WDR70: variants seen among roughly 807,000 people sequenced by gnomAD.
WDR70 encodes the protein WD repeat domain 70.
WDR70 carries 53 observed loss-of-function variants against 88.6 expected under a neutral mutation model. The observed-to-expected ratio is 0.60, with a 90% CI of 0.48 to 0.75. WDR70 has a LOEUF of 0.75. Among genes scored for constraint, WDR70 ranks in the 30% least tolerant of loss-of-function variants. The pLI is 0.00. For synonymous variants in WDR70, 280 were observed against 270.0 expected (o/e 1.04, Z -0.36); for missense variants, 610 against 823.2 (o/e 0.74, Z 3.17).
chr5:37,424,598 C>T (rs575505493), intron 5 of WDR70, among the ~76,000 whole-genome samples: 37 of 151,862 alleles, frequency 2.4e-4, no homozygotes, highest in Admixed American at 2.0e-3. Flanking sequence ...TTTGTAGAGA[C>T]GGAGTCTTGC....
At chr5:37,646,163 T>G (rs1350125834) in intron 10 of WDR70, among the ~76,000 whole-genome samples, 2 of 152,086 alleles carry the variant, frequency 1.3e-5, no homozygotes, top group East Asian at 3.8e-4. Flanking sequence ...CCATGAGGCT[T>G]GCAAATACTG....
intron 9 of WDR70, among the ~76,000 whole-genome samples, chr5:37,585,147 C>T (rs1166204995): frequency 1.3e-5 from 2 of 151,638 alleles, no homozygotes; most frequent in Admixed American, 1.3e-4. Flanking sequence ...CACACCACCA[C>T]GCCTGGCTAA....
chr5:37,734,264 A>T (rs1256587575), intron 17 of WDR70, among the ~76,000 whole-genome samples: 1 of 152,116 alleles, frequency 6.6e-6, no homozygotes, highest in Non-Finnish European at 1.5e-5. Flanking sequence ...CTATTACGTT[A>T]AACCTTACAA....
intron 9 of WDR70, among the ~76,000 whole-genome samples, chr5:37,542,415 G>T (rs907488915): frequency 1.3e-5 from 2 of 151,858 alleles, no homozygotes; most frequent in Non-Finnish European, 2.9e-5. Flanking sequence ...GAGTAGCTGG[G>T]ATTACAGGCA....
chr5:37,653,458 TG>T (rs1200553135), intron 10 of WDR70, among the ~76,000 whole-genome samples: 5 of 152,234 alleles, frequency 3.3e-5, no homozygotes, highest in Non-Finnish European at 7.3e-5. Context: ...CCTCATAAAA[TG>T]AGTTAGGGAG....
intron 7 of WDR70, among the ~76,000 whole-genome samples, chr5:37,470,968 A>T (rs914823551): frequency 6.6e-6 from 1 of 151,554 alleles, no homozygotes; most frequent in African/African-American, 2.4e-5. Context: ...GCTCACTTCA[A>T]CCTCTGTCTC....
intron 5 of WDR70, among the ~76,000 whole-genome samples, chr5:37,427,205 C>T (rs188578606): frequency 0.016 from 2,391 of 151,888 alleles, 56 homozygotes; most frequent in African/African-American, 0.055. Context: ...TTGGCTAACA[C>T]GGTGAAACCC....
intron 9 of WDR70, among the ~76,000 whole-genome samples, chr5:37,546,464 A>T (rs772286169): frequency 5.3e-5 from 8 of 152,242 alleles, no homozygotes; most frequent in South Asian, 4.1e-4. Flanking sequence ...TTTTGGCTAC[A>T]TGAACATAAA....
chr5:37,530,704 A>G (rs1463486238), intron 9 of WDR70, among the ~76,000 whole-genome samples: 2 of 143,840 alleles, frequency 1.4e-5, no homozygotes, highest in Admixed American at 6.8e-5. Context: ...TCCTTGGTTA[A>G]TCTTGCTAAT....
chr5:37,695,389 G>C (rs922175362), intron 10 of WDR70, among the ~76,000 whole-genome samples: 11 of 152,158 alleles, frequency 7.2e-5, no homozygotes, highest in African/African-American at 2.4e-4. Flanking sequence ...ATACAGCCTT[G>C]ATATCTGGGG....
chr5:37,554,066 T>C (rs1482957911), intron 9 of WDR70, among the ~76,000 whole-genome samples: 1 of 152,074 alleles, frequency 6.6e-6, no homozygotes, highest in African/African-American at 2.4e-5. Context: ...ATTTGGTTAA[T>C]TAATTTGTTG....
chr5:37,567,090 A>G (rs1484668685), intron 9 of WDR70, among the ~76,000 whole-genome samples: 1 of 152,200 alleles, frequency 6.6e-6, no homozygotes, highest in Non-Finnish European at 1.5e-5. Context: ...AGACATAGAA[A>G]TCAAGATATT....
intron 7 of WDR70, among the ~76,000 whole-genome samples, chr5:37,448,294 T>C (rs909373744): frequency 3.9e-5 from 6 of 152,178 alleles, no homozygotes; most frequent in Non-Finnish European, 7.3e-5. Context: ...TGGCACAACA[T>C]GATGTAGGCT....
At chr5:37,674,840 G>C (rs1180977099) in intron 10 of WDR70, among the ~76,000 whole-genome samples, 1 of 151,782 alleles carries the variant, frequency 6.6e-6, no homozygotes, top group African/African-American at 2.4e-5. Flanking sequence ...CTAGTTTACA[G>C]TCCCACCAAC....
intron 7 of WDR70, among the ~76,000 whole-genome samples, chr5:37,454,020 G>A (rs1738754631): frequency 6.6e-6 from 1 of 152,178 alleles, no homozygotes; most frequent in South Asian, 2.1e-4. Flanking sequence ...ACCTAAAACA[G>A]TGTTTGGGAT....
intron 8 of WDR70, among the ~76,000 whole-genome samples, chr5:37,481,226 T>C (rs1739658118): frequency 6.6e-6 from 1 of 151,990 alleles, no homozygotes; most frequent in South Asian, 2.1e-4. Flanking sequence ...ATGGTGGCCG[T>C]TTTCTCACAG....
At chr5:37,512,071 T>C (rs377693442) in intron 8 of WDR70, among the ~76,000 whole-genome samples, 21 of 152,210 alleles carry the variant, frequency 1.4e-4, no homozygotes, top group African/African-American at 4.8e-4. Flanking sequence ...GGCAAGAATG[T>C]TGGCTCTAGG....
chr5:37,623,456 A>G (rs987883711), intron 10 of WDR70, among the ~76,000 whole-genome samples: 2 of 152,214 alleles, frequency 1.3e-5, no homozygotes, highest in Non-Finnish European at 2.9e-5. Context: ...CAAATAATAT[A>G]AATCTTTGTT....
intron 13 of WDR70, among the ~76,000 whole-genome samples, chr5:37,703,490 T>C (rs71619878): frequency 9.2e-4 from 140 of 152,356 alleles, no homozygotes; most frequent in Non-Finnish European, 1.5e-3. Context: ...CATGAAAACT[T>C]TGACAGAACT....
Sources: gnomAD v4.1 joint callset for allele counts (sites outside exome capture counted in the v4.1 genomes callset) on GRCh38, gnomAD v4.1.1 for gene constraint, MANE v1.5 for transcripts, NCBI Gene and HGNC (gene_info 2026-07-23, HGNC 2026-07-21) for gene names.